The following ARFGAP3 variants were observed in gnomAD, a reference collection of about 807,000 sequenced individuals.
ARFGAP3 encodes ADP-ribosylation factor GTPase-activating protein 3.
ARFGAP3 carries 72 observed loss-of-function variants against 75.0 expected under a neutral mutation model. The observed-to-expected ratio is 0.96, with a 90% CI of 0.79 to 1.17. ARFGAP3 has a LOEUF of 1.17. Among genes scored for constraint, ARFGAP3 ranks in the 50% most tolerant of loss-of-function variants. The pLI, the probability that ARFGAP3 is intolerant of heterozygous loss-of-function variation, is 0.00. For synonymous variants in ARFGAP3, 221 were observed against 217.9 expected (o/e 1.01, Z -0.13); for missense variants, 620 against 626.6 (o/e 0.99, Z 0.11).
In ARFGAP3 at chr22:42,847,514, C is replaced by A; in HGVS notation, c.188G>T (p.Arg63Leu). The A allele has an allele frequency of 6.2e-7, 1 of 1,609,182 alleles. No individual in the cohort carries two copies. The highest frequency in any genetic ancestry group is 1.1e-5 in the South Asian group (1 of 90,776). The change falls in exon 2 of 16, where the codon CGA becomes CTA. Residue 63 changes from arginine (R) to leucine (L), a missense_variant and splice_region_variant. Coordinates refer to ENST00000263245, the MANE Select transcript of ARFGAP3 (RefSeq NM_014570.5). ...CCCCAATGAGAGAAGATTCACTTAC[C>A]GAATAAAACTCAAGTGAACACCAAG... ...RSLGVHLSFI[R>L]STELDSNWSW...
intron 12 of ARFGAP3, 176 bp from the exon 13 acceptor site, chr22:42,809,066 A>C: frequency 2.2e-6 from 1 of 453,312 alleles, no homozygotes; most frequent in Non-Finnish European, 2.9e-6. Context: ...CCCAAACGAT[A>C]CAAAATTTGA....
At chr22:42,843,089 C>A (rs1569168300) in intron 2 of ARFGAP3, among the ~76,000 whole-genome samples, 1 of 152,014 alleles carries the variant, frequency 6.6e-6, no homozygotes, top group Non-Finnish European at 1.5e-5. Context: ...CCCCCCGACC[C>A]CCCAACCACA....
In ARFGAP3 at chr22:42,852,207, A is replaced by AC. The variant is rs1927306402; in HGVS notation, c.70-4576dup. Among the ~76,000 whole-genome samples the AC allele has an allele frequency of 2.1e-5, 3 of 144,898 alleles. No individual in the cohort carries two copies. The Admixed American group carries it at 2.1e-4, about 10-fold the overall frequency. ...GCAGCTGGGACCACAGGCATGAGCC[A>AC]CCATGCATGGCTAATTTTAATTTTT... On this transcript the variant is annotated intron_variant, in intron 1 of 15. Coordinates refer to ENST00000263245, the MANE Select transcript of ARFGAP3 (RefSeq NM_014570.5).
chr22:42,839,122 AG>A (rs1335699394), intron 3 of ARFGAP3, among the ~76,000 whole-genome samples: 4,258 of 66,292 alleles, frequency 0.064, 86 homozygotes, highest in African/African-American at 0.094. Flanking sequence ...AAAAAAAAAA[AG>A]AAAAAAAAAA....
At chr22:42,802,014 C>T (rs1415807553) in intron 14 of ARFGAP3, among the ~76,000 whole-genome samples, 1 of 152,084 alleles carries the variant, frequency 6.6e-6, no homozygotes, top group Admixed American at 6.6e-5. Flanking sequence ...CCAGTGGGAA[C>T]CATGGTCCTG....
intron 12 of ARFGAP3, among the ~76,000 whole-genome samples, chr22:42,809,589 T>TG (rs141186450): frequency 0.01 from 1,576 of 151,756 alleles, 28 homozygotes; most frequent in African/African-American, 0.036. Flanking sequence ...GGGGAAAATT[T>TG]GGGGGTGATG....
intron 1 of ARFGAP3, among the ~76,000 whole-genome samples, chr22:42,855,886 A>G (rs1387049617): frequency 6.6e-6 from 1 of 151,650 alleles, no homozygotes; most frequent in Non-Finnish European, 1.5e-5. Context: ...AATTAATAAT[A>G]ACAATTAGCT....
At chr22:42,836,513 C>G (rs373346310) in intron 3 of ARFGAP3, among the ~76,000 whole-genome samples, 1 of 152,102 alleles carries the variant, frequency 6.6e-6, no homozygotes, top group Non-Finnish European at 1.5e-5. Context: ...TTAATGTTTA[C>G]CTTGTTTAGC....
chr22:42,801,387 C>T (rs1487680111), intron 14 of ARFGAP3, among the ~76,000 whole-genome samples: 2 of 152,194 alleles, frequency 1.3e-5, no homozygotes, highest in Admixed American at 1.3e-4. Context: ...CCAGGTGACT[C>T]TGAGCTAACA....
In ARFGAP3 at chr22:42,822,368, T is replaced by C. The variant is rs1925849386; in HGVS notation, c.714A>G (p.Ala238=). The change falls in exon 9 of 16, where the codon GCA becomes GCG. Residue 238 remains alanine, a synonymous_variant. Coordinates refer to ENST00000263245, the MANE Select transcript of ARFGAP3 (RefSeq NM_014570.5). ...KKGSLGAQKL[A]NTCFNEIEKQ... is the part of the protein sequence containing the mutation. ...TTTCAATTTCATTAAAGCATGTGTT[T>C]GCCAGTTTCTGAGCTCCCAAACTTC... 1 of 1,614,070 alleles carries C rather than the reference T, an allele frequency of 6.2e-7. No homozygotes were observed. Among genetic ancestry groups the C allele is most frequent in the African/African-American group, 1.3e-5 (1 of 74,934 alleles).
At chr22:42,810,000 T>C (rs1394851250) in intron 12 of ARFGAP3, among the ~76,000 whole-genome samples, 3 of 71,804 alleles carry the variant, frequency 4.2e-5, no homozygotes, top group South Asian at 4.8e-4. Context: ...CAAGACTCCA[T>C]CTTAAAAAAA....
chr22:42,801,320 A>G (rs1374844704), intron 14 of ARFGAP3, among the ~76,000 whole-genome samples: 1 of 152,212 alleles, frequency 6.6e-6, no homozygotes, highest in Non-Finnish European at 1.5e-5. Context: ...CAGAGGGGAC[A>G]CTGAGCTACA....
chr22:42,848,039 C>G (rs1316184293), intron 1 of ARFGAP3, among the ~76,000 whole-genome samples: 1 of 150,096 alleles, frequency 6.7e-6, no homozygotes, highest in Non-Finnish European at 1.5e-5. Flanking sequence ...TAATTTAGTA[C>G]TTTTAGTAGA....
intron 4 of ARFGAP3, among the ~76,000 whole-genome samples, chr22:42,835,147 C>A (rs935688378): frequency 6.6e-6 from 1 of 152,174 alleles, no homozygotes; most frequent in Non-Finnish European, 1.5e-5. Context: ...GAACCTAATC[C>A]TGTATTTCTC....
In ARFGAP3 at chr22:42,849,676, C is replaced by G. The variant is rs1000318388; in HGVS notation, c.70-2044G>C. On this transcript the variant is annotated intron_variant, in intron 1 of 15. Coordinates refer to ENST00000263245, the MANE Select transcript of ARFGAP3 (RefSeq NM_014570.5). ...ACTCTTGAGCTCGAGCCATCCACCCCCCTCAGCCTCCTAAGCAGTTAGGAC... is the reference window on the plus strand; with the variant it reads ...ACTCTTGAGCTCGAGCCATCCACCCGCCTCAGCCTCCTAAGCAGTTAGGAC... 5.9e-5 allele frequency among the ~76,000 whole-genome samples: 9 copies of G among 151,980 alleles called. No homozygotes were observed. The South Asian group carries it at 1.9e-3, about 32-fold the overall frequency.
intron 3 of ARFGAP3, among the ~76,000 whole-genome samples, chr22:42,837,601 T>C (rs1281326061): frequency 9.2e-6 from 1 of 108,796 alleles, no homozygotes; most frequent in African/African-American, 3.7e-5. Flanking sequence ...GCCTAGGCAA[T>C]AGGAGTGAGA....
At chr22:42,827,044 C>T (rs748941089) in intron 6 of ARFGAP3, 45 bp from the exon 7 acceptor site, 2 of 1,606,346 alleles carry the variant, frequency 1.2e-6, no homozygotes, top group Non-Finnish European at 1.7e-6. Flanking sequence ...ATATACTCAG[C>T]TAACTTGCTT....
At chr22:42,845,264 G>A (rs913568586) in intron 2 of ARFGAP3, among the ~76,000 whole-genome samples, 15 of 152,058 alleles carry the variant, frequency 9.9e-5, no homozygotes, top group Non-Finnish European at 1.3e-4. Flanking sequence ...AGCTTTAGCC[G>A]GGGTAATCCC....
intron 1 of ARFGAP3, among the ~76,000 whole-genome samples, chr22:42,850,571 CAAAAAAAAAA>C (rs57841993): frequency 3.5e-5 from 2 of 57,586 alleles, no homozygotes; most frequent in East Asian, 1.2e-3. Flanking sequence ...ACCCTGCTAT[CAAAAAAAAAA>C]AAAAAAAAAA....
Sources: gnomAD v4.1 joint callset for allele counts (sites outside exome capture counted in the v4.1 genomes callset) on GRCh38, gnomAD v4.1.1 for gene constraint, MANE v1.5 for transcripts, NCBI Gene and HGNC (gene_info 2026-07-23, HGNC 2026-07-21) for gene names.